DMXL1: variants seen among roughly 807,000 people sequenced by gnomAD.
DMXL1 encodes the protein dmX-like protein 1.
A neutral mutation model predicts 319.2 loss-of-function variants in DMXL1; 99 were observed. The observed-to-expected ratio is 0.31, with a 90% CI of 0.26 to 0.37. The LOEUF is 0.37. Among genes scored for constraint, DMXL1 ranks in the 10% least tolerant of loss-of-function variants. The pLI, the probability that DMXL1 is intolerant of heterozygous loss-of-function variation, is 1.00. For missense variants in DMXL1, 3,745 were observed against 3,595.6 expected (o/e 1.04, Z -1.06); for synonymous variants, 1,385 against 1,235.2 (o/e 1.12, Z -2.54).
chr5:119,071,378 G>C lies in DMXL1; in HGVS notation c.-192G>C, dbSNP rs897610132. 1.8e-6 allele frequency: 1 copy of C among 569,220 alleles called. No homozygotes were observed. The highest frequency in any genetic ancestry group is 4.7e-4 in the Middle Eastern group (1 of 2,148). The allele number at this position is 569,220 out of a possible 1,614,324, so 35.3% of individuals were successfully genotyped here. ...GCCCTCTCGCCGACCCGCCCCCTCC[G>C]GGCCTCGCCCTCCGGGGCTCGGGAT... On this transcript the variant is annotated 5_prime_UTR_variant, in exon 1 of 44. Coordinates refer to ENST00000539542, the MANE Select transcript of DMXL1 (RefSeq NM_001290321.3).
intron 38 of DMXL1, among the ~76,000 whole-genome samples, chr5:119,230,873 C>G (rs1484050547): frequency 2.0e-5 from 3 of 152,292 alleles, no homozygotes; most frequent in African/African-American, 7.2e-5. Flanking sequence ...CAGAACAAGA[C>G]TCCGTCTCAA....
At chr5:119,158,828 T>C (rs888384276) in intron 19 of DMXL1, among the ~76,000 whole-genome samples, 1 of 152,256 alleles carries the variant, frequency 6.6e-6, no homozygotes, top group Non-Finnish European at 1.5e-5. Flanking sequence ...ACCCATGGCA[T>C]AATTCCTACT....
intron 8 of DMXL1, 60 bp downstream of exon 8, chr5:119,119,064 T>G: frequency 1.7e-6 from 2 of 1,154,644 alleles, no homozygotes; most frequent in Non-Finnish European, 2.4e-6. Flanking sequence ...CATTGCCTTT[T>G]TGGTAACACA....
chr5:119,186,708 T>G (rs1021549782), intron 28 of DMXL1, among the ~76,000 whole-genome samples: 1 of 152,230 alleles, frequency 6.6e-6, no homozygotes, highest in Admixed American at 6.5e-5. Flanking sequence ...TCCCCTTCCC[T>G]ATGTGTAGCC....
chr5:119,147,075 T>C (rs1360155081), intron 16 of DMXL1, 119 bp downstream of exon 16: 3 of 1,214,204 alleles, frequency 2.5e-6, no homozygotes, highest in African/African-American at 1.5e-5. Flanking sequence ...GTGATAACTG[T>C]AGATTATTCA....
At chr5:119,202,885 T>TATATATATATATA (rs1554139437) in intron 32 of DMXL1, among the ~76,000 whole-genome samples, 2 of 130,792 alleles carry the variant, frequency 1.5e-5, no homozygotes, top group Non-Finnish European at 3.1e-5. Flanking sequence ...ATATATATTT[T>TATATATATATATA]TATATATATA....
At chr5:119,098,202 C>A in intron 2 of DMXL1, 98 bp downstream of exon 2, 7 of 1,400,816 alleles carry the variant, frequency 5.0e-6, no homozygotes, top group Non-Finnish European at 6.7e-6. Flanking sequence ...AGAGACTTGG[C>A]TTTGTTTCAA....
Position 119,171,035 on chromosome 5 carries a change from G to A in DMXL1, c.6244G>A (p.Glu2082Lys), listed in dbSNP as rs202067778. Residue 2082 changes from glutamate to lysine, a missense_variant, in exon 24 of 44, where the codon GAA becomes AAA. Glu to Lys is a moderately conservative substitution (Grantham distance 56). Around this residue, in one of 4 missense-constraint regions of DMXL1, gnomAD observed 1,382 missense variants for 1,269.5 expected, o/e 1.09. Transcript: ENST00000539542. ...RTCDFCSDAE[E>K]LQSAFGRNED... Reference sequence around the variant, plus strand: ...TTGTGACTTTTGCTCAGATGCTGAAGAACTACAGTCTGCATTTGGCAGAAA... The same window carrying A: ...TTGTGACTTTTGCTCAGATGCTGAAAAACTACAGTCTGCATTTGGCAGAAA... 4.5e-5 allele frequency: 72 copies of A among 1,613,770 alleles called. No homozygotes were observed. Among genetic ancestry groups the A allele is most frequent in the Non-Finnish European group, 5.6e-5 (66 of 1,179,896 alleles).
chr5:119,178,155 A>T lies in DMXL1; in HGVS notation c.7046A>T (p.His2349Leu). 6.2e-7 allele frequency: 1 copy of T among 1,613,994 alleles called. No individual in the cohort carries two copies. Among genetic ancestry groups the T allele is most frequent in the Non-Finnish European group, 8.5e-7 (1 of 1,179,870 alleles). ...SSNELFRIVA[H>L]PLNEKMWSAV... ...AATGAGCTATTTCGGATTGTGGCCC[A>T]TCCTCTAAATGAGAAAATGTGGTCT... Residue 2349 changes from histidine to leucine, a missense_variant, in exon 28 of 44, where the codon CAT (histidine) becomes CTT (leucine). His to Leu is a moderately conservative substitution (Grantham distance 99). Around this residue, in one of 4 missense-constraint regions of DMXL1, gnomAD observed 1,382 missense variants for 1,269.5 expected, o/e 1.09. Transcript: ENST00000539542.
At chr5:119,095,506 A>G (rs1310731966) in intron 1 of DMXL1, among the ~76,000 whole-genome samples, 1 of 152,242 alleles carries the variant, frequency 6.6e-6, no homozygotes, top group Non-Finnish European at 1.5e-5. Flanking sequence ...CTTGCAACGT[A>G]ATATCTGAAA....
chr5:119,178,757 G>A (rs1384627785), intron 28 of DMXL1: 8 of 561,618 alleles, frequency 1.4e-5, no homozygotes, highest in Admixed American at 6.3e-5. Context: ...AGGGGTTGGG[G>A]TACAGTGGGA....
chr5:119,159,349 G>A (rs192219990), intron 19 of DMXL1, among the ~76,000 whole-genome samples: 1,740 of 152,244 alleles, frequency 0.011, 18 homozygotes, highest in Admixed American at 0.019. Context: ...TGCCTGCCTT[G>A]GCCTCCCAAA....
chr5:119,118,760 C>T lies in DMXL1; in HGVS notation c.744-55C>T, dbSNP rs544699912. ...TAATTACAGAAACATCGTAGAATTTCTGTGATACTATGTGAAATTTGTATT... is the reference window on the plus strand; with the variant it reads ...TAATTACAGAAACATCGTAGAATTTTTGTGATACTATGTGAAATTTGTATT... On this transcript the variant is annotated intron_variant, in intron 7 of 43. Coordinates refer to ENST00000539542, the MANE Select transcript of DMXL1 (RefSeq NM_001290321.3). The T allele has an allele frequency of 2.2e-6, 3 of 1,352,392 alleles. No homozygotes were observed. In the African/African-American group the frequency reaches 4.4e-5, roughly 20 times the overall value. The allele number at this position is 1,352,392 out of a possible 1,614,324, so 83.8% of individuals were successfully genotyped here.
At chr5:119,090,130 C>G (rs1190529780) in intron 1 of DMXL1, among the ~76,000 whole-genome samples, 1 of 146,196 alleles carries the variant, frequency 6.8e-6, no homozygotes, top group Non-Finnish European at 1.5e-5. Context: ...AAGTGATTCT[C>G]CTGCCTCAGC....
At chr5:119,075,744 A>G (rs1269910291) in intron 1 of DMXL1, among the ~76,000 whole-genome samples, 1 of 151,826 alleles carries the variant, frequency 6.6e-6, no homozygotes, top group African/African-American at 2.4e-5. Context: ...AACAAAAAAA[A>G]ATGGAGGCTG....
chr5:119,127,845 A>G (rs1303521396), intron 9 of DMXL1: 4 of 316,872 alleles, frequency 1.3e-5, no homozygotes, highest in Admixed American at 4.4e-5. Flanking sequence ...TTTTTAAACT[A>G]TTGGCATTTC....
At chr5:119,125,193 A>G (rs1182830052) in intron 9 of DMXL1, among the ~76,000 whole-genome samples, 4 of 152,200 alleles carry the variant, frequency 2.6e-5, no homozygotes, top group South Asian at 2.1e-4. Flanking sequence ...GAGAACTACA[A>G]TATATGAATA....
At chr5:119,239,902 A>G (rs1355926883) in intron 41 of DMXL1, among the ~76,000 whole-genome samples, 1 of 150,526 alleles carries the variant, frequency 6.6e-6, no homozygotes, top group Non-Finnish European at 1.5e-5. Context: ...GGTTGCAGTG[A>G]GCCAAGATCA....
chr5:119,155,359 G>T lies in DMXL1; in HGVS notation c.4702+3323G>T, dbSNP rs537749809. On this transcript the variant is annotated intron_variant, in intron 19 of 43. Coordinates refer to ENST00000539542, the MANE Select transcript of DMXL1 (RefSeq NM_001290321.3). ...GCCATTGGGGACATGTGTAATTCAT[G>T]GGAGGAGGTCAAAATATCAACATTA... 9.9e-5 allele frequency among the ~76,000 whole-genome samples: 15 copies of T among 152,254 alleles called. No homozygotes were observed. In the South Asian group the frequency reaches 2.5e-3, roughly 25 times the overall value.
Sources: allele counts gnomAD v4.1 joint callset (sites outside exome capture counted in the v4.1 genomes callset), GRCh38; gene constraint gnomAD v4.1.1; regional missense constraint gnomAD v4.1.1; transcripts MANE v1.5; gene names NCBI Gene and HGNC (gene_info 2026-07-23, HGNC 2026-07-21).